Variants in KBTBD11 observed in about 807,000 individuals in gnomAD.
KBTBD11 encodes the protein kelch repeat and BTB domain-containing protein 11.
For missense variants in KBTBD11, 1,390 were observed against 1,001.8 expected, an observed-to-expected ratio of 1.39 and a Z score of -5.23; for synonymous variants, 747 against 499.0, an observed-to-expected ratio of 1.50 and a Z score of -6.63.
intron 1 of KBTBD11, among the ~76,000 whole-genome samples, chr8:1,999,534 A>G (rs1403148742): frequency 1.3e-5 from 2 of 152,220 alleles, no homozygotes; most frequent in South Asian, 2.1e-4. Flanking sequence ...AATTTAAGAA[A>G]GATATTTGAT....
Position 2,000,918 on chromosome 8 carries a change from T to C in KBTBD11, c.-275T>C, listed in dbSNP as rs1231714710. ...TGGAGATCCATTCACCAAGACTTTCTGGGCAGATTTAAAGTGGCTGGGGTT... is the reference window on the plus strand; with the variant it reads ...TGGAGATCCATTCACCAAGACTTTCCGGGCAGATTTAAAGTGGCTGGGGTT... On this transcript the variant is annotated 5_prime_UTR_variant, in exon 2 of 2. Coordinates refer to ENST00000320248, the MANE Select transcript of KBTBD11 (RefSeq NM_014867.3). 2.6e-6 allele frequency: 1 copy of C among 378,026 alleles called. No homozygotes were observed. Among genetic ancestry groups the C allele is most frequent in the East Asian group, 3.8e-5 (1 of 26,110 alleles). 23.4% of individuals were successfully genotyped at this position (378,026 alleles called of 1,614,324 possible). A position where few individuals can be genotyped will look rare whatever the true frequency, so the allele number is the denominator to read the frequency against.
intron 1 of KBTBD11, among the ~76,000 whole-genome samples, chr8:1,993,504 T>G (rs1207363122): frequency 1.5e-5 from 1 of 65,226 alleles, no homozygotes; most frequent in African/African-American, 4.1e-5. Context: ...CGTCCATCCA[T>G]CCATCCATCC....
At position 1,993,958 on chromosome 8, in the gene KBTBD11, C is replaced by CACACACACACAAAAAA. The variant is rs1554527404; in HGVS notation, c.-908-6326_-908-6325insCACACACACAAAAAAA. On this transcript the variant is annotated intron_variant, in intron 1 of 1. Transcript: ENST00000320248. ...ACACACACACACACACACACACACA[C>CACACACACACAAAAAA]AAAACCCCATAGATGGTTTATCAGG... 4.7e-5 allele frequency among the ~76,000 whole-genome samples: 7 copies of CACACACACACAAAAAA among 148,244 alleles called. No individual in the cohort carries two copies. The South Asian group carries it at 1.3e-3, about 27-fold the overall frequency.
At chr8:1,981,016 T>G (rs1458787728) in intron 1 of KBTBD11, among the ~76,000 whole-genome samples, 4 of 152,214 alleles carry the variant, frequency 2.6e-5, no homozygotes, top group Non-Finnish European at 5.9e-5. Context: ...ACAAGGGCAG[T>G]AGGATCTCAG....
chr8:1,976,705 C>T (rs74550305), intron 1 of KBTBD11, among the ~76,000 whole-genome samples: 2,418 of 152,180 alleles, frequency 0.016, 56 homozygotes, highest in African/African-American at 0.055. Context: ...TACGTTAATT[C>T]TTAGGTAATA....
chr8:1,978,000 T>G (rs1030234516), intron 1 of KBTBD11, among the ~76,000 whole-genome samples: 12 of 152,260 alleles, frequency 7.9e-5, no homozygotes, highest in Admixed American at 5.9e-4. Flanking sequence ...ACAATAGCAT[T>G]TATTTATATT....
chr8:1,977,505 G>C (rs1220556008), intron 1 of KBTBD11, among the ~76,000 whole-genome samples: 1 of 151,968 alleles, frequency 6.6e-6, no homozygotes, highest in Admixed American at 6.6e-5. Context: ...TCCTGCAGTA[G>C]TCAGAACAAT....
chr8:1,989,791 C>T (rs1405670151), intron 1 of KBTBD11, among the ~76,000 whole-genome samples: 2 of 152,150 alleles, frequency 1.3e-5, no homozygotes, highest in Admixed American at 6.5e-5. Context: ...CAGGCATCCT[C>T]ATGGGGTGAG....
intron 1 of KBTBD11, among the ~76,000 whole-genome samples, chr8:1,983,620 A>G (rs964953666): frequency 6.6e-6 from 1 of 152,188 alleles, no homozygotes; most frequent in Admixed American, 6.5e-5. Flanking sequence ...CACTGTCCCT[A>G]TGGGACCTGG....
Position 2,002,111 on chromosome 8 carries a change from C to A in KBTBD11, c.919C>A (p.Arg307Ser). ...LAAALGPAGERAGSRPQSPSG... is the reference protein window; with the variant it reads ...LAAALGPAGESAGSRPQSPSG... ...CGCGGCGCTCGGGCCGGCGGGGGAG[C>A]GCGCGGGCAGCCGGCCTCAGAGCCC... The change falls in exon 2 of 2, where the codon CGC becomes AGC. Residue 307 changes from arginine (R) to serine (S), a missense_variant. Transcript: ENST00000320248. This position sits in a 1 kb window ranked among gnomAD's most constrained non-coding sequence, Gnocchi z 4.1. The A allele has an allele frequency of 9.1e-7, 1 of 1,097,022 alleles. No individual in the cohort carries two copies. The highest frequency in any genetic ancestry group is 1.1e-6 in the Non-Finnish European group (1 of 904,842). The allele number at this position is 1,097,022 out of a possible 1,614,324, so 68.0% of individuals were successfully genotyped here.
intron 1 of KBTBD11, among the ~76,000 whole-genome samples, chr8:1,992,473 G>A (rs1488522662): frequency 1.3e-5 from 2 of 151,966 alleles, no homozygotes; most frequent in Admixed American, 1.3e-4. Flanking sequence ...GCGGGGGTGG[G>A]GTGGGAAACA....
intron 1 of KBTBD11, among the ~76,000 whole-genome samples, chr8:1,990,012 G>C (rs994682215): frequency 2.8e-5 from 4 of 140,788 alleles, no homozygotes; most frequent in Non-Finnish European, 6.1e-5. Context: ...CTTTGGTGTT[G>C]GTCAGCTGCT....
At chr8:1,989,845 C>A (rs1345320931) in intron 1 of KBTBD11, among the ~76,000 whole-genome samples, 1 of 149,810 alleles carries the variant, frequency 6.7e-6, no homozygotes, top group Non-Finnish European at 1.5e-5. Flanking sequence ...ACCTCTTAAA[C>A]TTGTGACCAG....
At chr8:1,974,210 C>T (rs1816235852) in intron 1 of KBTBD11, 2 of 865,542 alleles carry the variant, frequency 2.3e-6, no homozygotes, top group South Asian at 5.3e-5. Context: ...GGTCTCCGCT[C>T]CGCCTCCGGG....
rs1351438400 is a variant in KBTBD11, at chr8:2,001,331, G to A, written c.139G>A (p.Glu47Lys). Residue 47 changes from glutamate to lysine, a missense_variant, in exon 2 of 2, where the codon GAA becomes AAA. By Grantham distance (56) the Glu-to-Lys change is moderately conservative (BLOSUM62 1). Transcript: ENST00000320248. The stretch of plus-strand genomic sequence containing the variant: ...CGCGTCCCTGTGCTTCAGCTCCGGG[G>A]AAGAGTCCCCGCCGCAGTCCCTCGC... ...LGASLCFSSG[E>K]ESPPQSLASA... 1 of 1,515,408 alleles carries A rather than the reference G, an allele frequency of 6.6e-7. No individual in the cohort carries two copies. The highest frequency in any genetic ancestry group is 1.4e-5 in the African/African-American group (1 of 69,962). 93.9% of individuals were successfully genotyped at this position (1,515,408 alleles called of 1,614,324 possible). A position where few individuals can be genotyped will look rare whatever the true frequency, so the allele number is the denominator to read the frequency against.
At chr8:1,986,595 A>T (rs948408307) in intron 1 of KBTBD11, among the ~76,000 whole-genome samples, 2 of 152,180 alleles carry the variant, frequency 1.3e-5, no homozygotes, top group African/African-American at 4.8e-5. Flanking sequence ...AACTTTTAGT[A>T]ACTAAGTTAC....
chr8:1,983,734 A>G (rs1032533416), intron 1 of KBTBD11, among the ~76,000 whole-genome samples: 1 of 152,260 alleles, frequency 6.6e-6, no homozygotes, highest in African/African-American at 2.4e-5. Context: ...TGTATTTCAC[A>G]TGTGTTCAGC....
chr8:1,977,628 A>T (rs923103053), intron 1 of KBTBD11, among the ~76,000 whole-genome samples: 1 of 152,062 alleles, frequency 6.6e-6, no homozygotes, highest in African/African-American at 2.4e-5. Flanking sequence ...GGTTCAAGCA[A>T]TTCTCATGTC....
intron 1 of KBTBD11, among the ~76,000 whole-genome samples, chr8:1,979,032 C>G (rs905377024): frequency 7.2e-5 from 11 of 152,124 alleles, no homozygotes; most frequent in African/African-American, 2.7e-4. Context: ...TCAGGGTTCT[C>G]CAGGGAAACA....
Sources: gnomAD v4.1 joint callset for allele counts (sites outside exome capture counted in the v4.1 genomes callset) on GRCh38, gnomAD v4.1.1 for gene constraint, Gnocchi (gnomAD v3.1) non-coding constraint, MANE v1.5 for transcripts, NCBI Gene and HGNC (gene_info 2026-07-23, HGNC 2026-07-21) for gene names.